The following CECR2 variants were observed in gnomAD, a reference collection of about 807,000 sequenced individuals.
The protein encoded by CECR2 is chromatin remodeling regulator CECR2.
A neutral mutation model predicts 154.5 loss-of-function variants in CECR2; 30 were observed. The observed-to-expected ratio is 0.19, with a 90% confidence interval of 0.15 to 0.26. The LOEUF is 0.26. Ranked by LOEUF, CECR2 falls within the 10% of genes least tolerant of loss-of-function variation. The pLI is 1.00. For synonymous variants in CECR2, 725 were observed against 683.7 expected, an observed-to-expected ratio of 1.06 and a Z score of -0.94; for missense variants, 1,743 against 1,829.3, an observed-to-expected ratio of 0.95 and a Z score of 0.86.
At chr22:17,385,399 C>G (rs2146487321) in intron 1 of CECR2, among the ~76,000 whole-genome samples, 1 of 152,180 alleles carries the variant, frequency 6.6e-6, no homozygotes, top group Non-Finnish European at 1.5e-5. Context: ...ACTTAAAGGC[C>G]ATTGTAGGAT....
At chr22:17,360,056 C>T (rs2062968113) in intron 1 of CECR2, 1 of 151,930 alleles carries the variant, frequency 6.6e-6, no homozygotes, top group Non-Finnish European at 1.5e-5. Context: ...AAAATAGAAA[C>T]CAAAAGCCTG....
intron 1 of CECR2, among the ~76,000 whole-genome samples, chr22:17,459,184 C>G (rs1016892916): frequency 6.6e-6 from 1 of 152,160 alleles, no homozygotes; most frequent in South Asian, 2.1e-4. Context: ...ACAGTAAGAA[C>G]CTGCAGGGTG....
At chr22:17,541,674 C>A (rs2056524393) in intron 14 of CECR2, among the ~76,000 whole-genome samples, 165 bp from the exon 15 acceptor site, 2 of 152,130 alleles carry the variant, frequency 1.3e-5, no homozygotes, top group Admixed American at 6.6e-5. Flanking sequence ...ATAGGCAAGC[C>A]CTGATGCGGG....
chr22:17,507,237 A>G (rs949009730), intron 7 of CECR2, among the ~76,000 whole-genome samples: 2 of 152,204 alleles, frequency 1.3e-5, no homozygotes, highest in African/African-American at 4.8e-5. Context: ...CCTTTCTCTA[A>G]TAACGGGAAC....
At chr22:17,363,107 C>T (rs1350918888) in intron 1 of CECR2, among the ~76,000 whole-genome samples, 1 of 150,372 alleles carries the variant, frequency 6.7e-6, no homozygotes, top group African/African-American at 2.4e-5. Flanking sequence ...TAGAGTGCAG[C>T]GGCACCATCT....
intron 1 of CECR2, among the ~76,000 whole-genome samples, chr22:17,466,863 A>G (rs1411518322): frequency 2.0e-5 from 3 of 152,198 alleles, no homozygotes; most frequent in Admixed American, 1.3e-4. Flanking sequence ...AAGTGCAGGA[A>G]TTACAGGCGT....
intron 1 of CECR2, among the ~76,000 whole-genome samples, chr22:17,443,705 C>G (rs1033954333): frequency 6.6e-5 from 10 of 152,150 alleles, no homozygotes; most frequent in African/African-American, 1.7e-4. Flanking sequence ...AGAGCGACTT[C>G]CGGGTGACTC....
At chr22:17,516,203 A>AGG (rs1254409171) in intron 8 of CECR2, among the ~76,000 whole-genome samples, 1 of 152,132 alleles carries the variant, frequency 6.6e-6, no homozygotes, top group Non-Finnish European at 1.5e-5. Flanking sequence ...ATCAAAATAT[A>AGG]GAGATATATA....
intron 2 of CECR2, among the ~76,000 whole-genome samples, chr22:17,481,710 T>C (rs1034408240): frequency 2.6e-5 from 4 of 152,214 alleles, no homozygotes; most frequent in Non-Finnish European, 4.4e-5. Context: ...CACAAAAATT[T>C]TTATCCCCTA....
At chr22:17,372,804 A>G (rs1290174590) in intron 1 of CECR2, among the ~76,000 whole-genome samples, 2 of 152,334 alleles carry the variant, frequency 1.3e-5, no homozygotes, top group East Asian at 3.9e-4. Context: ...AGCAAGTAGT[A>G]GAAGTTGGGT....
upstream of CECR2, among the ~76,000 whole-genome samples, chr22:17,368,705 G>C (rs562674074): frequency 6.6e-5 from 10 of 152,084 alleles, no homozygotes; most frequent in Non-Finnish European, 1.3e-4. Flanking sequence ...ACTCTTCCAG[G>C]CAGCTCTTTC....
intron 1 of CECR2, among the ~76,000 whole-genome samples, chr22:17,451,689 G>T (rs2054773410): frequency 6.6e-6 from 1 of 152,100 alleles, no homozygotes; most frequent in African/African-American, 2.4e-5. Context: ...TTCACATCCT[G>T]AAGGTCTCAA....
At chr22:17,516,306 G>GTA (rs200970065) in intron 8 of CECR2, among the ~76,000 whole-genome samples, 2,609 of 151,840 alleles carry the variant, frequency 0.017, 78 homozygotes, top group African/African-American at 0.06. Flanking sequence ...CATTTTATAT[G>GTA]TATATATACA....
intron 8 of CECR2, among the ~76,000 whole-genome samples, chr22:17,522,895 C>T (rs1017326104): frequency 6.6e-6 from 1 of 151,692 alleles, no homozygotes; most frequent in East Asian, 1.9e-4. Flanking sequence ...ATCTCAGCTA[C>T]TCGAGAGGCT....
chr22:17,488,914 A>G (rs1278838319), intron 2 of CECR2, among the ~76,000 whole-genome samples: 1 of 152,188 alleles, frequency 6.6e-6, no homozygotes, highest in Non-Finnish European at 1.5e-5. Flanking sequence ...CAATATCTGA[A>G]CAGTCCAGTT....
intron 1 of CECR2, among the ~76,000 whole-genome samples, chr22:17,474,115 C>G (rs372911385): frequency 1.4e-4 from 22 of 152,236 alleles, no homozygotes; most frequent in African/African-American, 4.3e-4. Context: ...GGTTCGTCAC[C>G]TATTCTTGGT....
intron 1 of CECR2, among the ~76,000 whole-genome samples, chr22:17,429,239 A>G (rs1204037522): frequency 2.0e-5 from 3 of 152,126 alleles, no homozygotes. Context: ...CTCAGTAAAT[A>G]TGTGGTAGAA....
chr22:17,456,510 C>G (rs1378387032), intron 1 of CECR2, among the ~76,000 whole-genome samples: 1 of 152,204 alleles, frequency 6.6e-6, no homozygotes, highest in Non-Finnish European at 1.5e-5. Flanking sequence ...AAAAGCCCTT[C>G]AAGTTGGTCA....
intron 1 of CECR2, among the ~76,000 whole-genome samples, chr22:17,376,493 G>A (rs199885424): frequency 3.6e-5 from 4 of 112,394 alleles, no homozygotes; most frequent in Non-Finnish European, 6.8e-5. Context: ...GCTGGGGCTC[G>A]CACAATGCAG....
Sources: gnomAD v4.1 joint callset for allele counts (sites outside exome capture counted in the v4.1 genomes callset) on GRCh38, gnomAD v4.1.1 for gene constraint, MANE v1.5 for transcripts, NCBI Gene and HGNC (gene_info 2026-07-23, HGNC 2026-07-21) for gene names.